FLT1: variants seen among roughly 807,000 people sequenced by gnomAD.
FLT1 encodes the protein vascular endothelial growth factor receptor 1.
In FLT1, 49 loss-of-function variants were observed where a neutral mutation model predicts 156.3. That is an observed-to-expected ratio of 0.31 (90% CI 0.25 to 0.40). The LOEUF (loss-of-function observed/expected upper bound fraction) is 0.40, where lower values mean the gene tolerates loss of function less well. Ranked by LOEUF, FLT1 falls within the 10% of genes least tolerant of loss-of-function variation. FLT1 has a pLI of 1.00. For missense variants in FLT1, 1,322 were observed against 1,637.2 expected (o/e 0.81, Z 3.32); for synonymous variants, 594 against 583.8 (o/e 1.02, Z -0.25).
chr13:28,424,158 C>T (rs1877184207), intron 10 of FLT1, among the ~76,000 whole-genome samples: 1 of 151,740 alleles, frequency 6.6e-6, no homozygotes, highest in Non-Finnish European at 1.5e-5. Context: ...AGGCTGGTCT[C>T]AAACTCCCGA....
chr13:28,356,619 C>T (rs2137410096), intron 15 of FLT1, among the ~76,000 whole-genome samples: 1 of 152,194 alleles, frequency 6.6e-6, no homozygotes, highest in Admixed American at 6.5e-5. Context: ...TTTGAATTCT[C>T]AGAGTTAAAA....
At chr13:28,465,020 G>A (rs1022544467) in intron 3 of FLT1, among the ~76,000 whole-genome samples, 4 of 152,080 alleles carry the variant, frequency 2.6e-5, no homozygotes, top group East Asian at 1.9e-4. Context: ...CACAGATGTC[G>A]GAAAGAACAC....
At chr13:28,472,567 T>C (rs1172875051) in intron 1 of FLT1, among the ~76,000 whole-genome samples, 1 of 152,262 alleles carries the variant, frequency 6.6e-6, no homozygotes, top group Non-Finnish European at 1.5e-5. Context: ...ATCCCCTGGT[T>C]TCTCTCCCAC....
chr13:28,306,745 A>G lies in FLT1; in HGVS notation c.3748T>C (p.Leu1250=), dbSNP rs1315043314. Residue 1250 remains leucine (L), a synonymous_variant, in exon 29 of 30, where the codon TTG becomes CTG. Transcript: ENST00000282397. ...DDYQGDSSTL[L]ASPMLKRFTW... ...AAGCGCTTCAGCATGGGAGAGGCCA[A>G]CAGAGTGCTGCTGTCGCCCTGGTAG... is the stretch of plus-strand genomic sequence containing the variant. 9 of 1,613,704 alleles carry G rather than the reference A, an allele frequency of 5.6e-6. No homozygotes were observed. The highest frequency in any genetic ancestry group is 6.8e-6 in the Non-Finnish European group (8 of 1,179,776).
At chr13:28,490,235 G>A (rs1189739195) in intron 1 of FLT1, among the ~76,000 whole-genome samples, 2 of 152,162 alleles carry the variant, frequency 1.3e-5, no homozygotes, top group East Asian at 3.9e-4. Flanking sequence ...TGTGAGACAA[G>A]ATCAAGTTCC....
At chr13:28,347,961 A>G (rs903628060) in intron 15 of FLT1, among the ~76,000 whole-genome samples, 2 of 152,198 alleles carry the variant, frequency 1.3e-5, no homozygotes, top group South Asian at 2.1e-4. Context: ...TTCCAAGAGT[A>G]TGCCACTTCC....
In FLT1 at chr13:28,302,972, T is replaced by G; in HGVS notation, c.*195A>C. The G allele has an allele frequency of 5.0e-6, 3 of 596,712 alleles. No individual in the cohort carries two copies. The highest frequency in any genetic ancestry group is 8.9e-6 in the Non-Finnish European group (3 of 337,246). The allele number at this position is 596,712 out of a possible 1,614,324, so 37.0% of individuals were successfully genotyped here. ...ATTTAGCAGTAGTGTTCTTCACTTGTCACTATTTCTCTATCTGGAGTTACA... is the reference window on the plus strand; with the variant it reads ...ATTTAGCAGTAGTGTTCTTCACTTGGCACTATTTCTCTATCTGGAGTTACA... On this transcript the variant is annotated 3_prime_UTR_variant, in exon 30 of 30. Transcript: ENST00000282397.
At chr13:28,359,678 A>G (rs1873036210) in intron 14 of FLT1, among the ~76,000 whole-genome samples, 1 of 152,234 alleles carries the variant, frequency 6.6e-6, no homozygotes, top group African/African-American at 2.4e-5. Context: ...AGGAACTCAA[A>G]CTACTCAATA....
rs1019271145 is a variant in FLT1, at chr13:28,309,667, C to G, written c.3636-740G>C. ...TAACTTTGCCATGCCACCCACCCCC[C>G]CTCCCTCTCTCTAACCCAGCCAGAC... On this transcript the variant is annotated intron_variant, in intron 27 of 29. Coordinates refer to ENST00000282397, the MANE Select transcript of FLT1 (RefSeq NM_002019.4). 6.0e-5 allele frequency among the ~76,000 whole-genome samples: 9 copies of G among 149,944 alleles called. No homozygotes were observed. The South Asian group carries it at 8.7e-4, about 14-fold the overall frequency.
chr13:28,322,584 C>A lies in FLT1; in HGVS notation c.2953+206G>T, dbSNP rs61762456. The A allele has an allele frequency of 2.7e-6, 2 of 727,324 alleles. No individual in the cohort carries two copies. Among genetic ancestry groups the A allele is most frequent in the Non-Finnish European group, 4.9e-6 (2 of 411,454 alleles). 45.1% of individuals were successfully genotyped at this position (727,324 alleles called of 1,614,324 possible). ...GGGGATGATCCATTAAGATGAAAAT[C>A]CCTGAGGGGAGAAAACGGTACAGTT... On this transcript the variant is annotated intron_variant, in intron 21 of 29. Transcript: ENST00000282397. The surrounding 1 kb of genome is among the most constrained non-coding windows in gnomAD (Gnocchi z 4.3).
At chr13:28,388,255 A>T in intron 13 of FLT1, 1 of 1,057,512 alleles carries the variant, frequency 9.5e-7, no homozygotes, top group Non-Finnish European at 1.1e-6. Context: ...CATTCTGGGG[A>T]AATGCTATTG....
chr13:28,467,191 T>G lies in FLT1; in HGVS notation c.162-62A>C, dbSNP rs1879898283. ...GCTGGGCCCTAGGCTCAGCACCAGT[T>G]CCTCAGCATTCATTTTATTAGGAAG... is the stretch of plus-strand genomic sequence containing the variant. On this transcript the variant is annotated intron_variant, in intron 2 of 29. Coordinates refer to ENST00000282397, the MANE Select transcript of FLT1 (RefSeq NM_002019.4). 5 of 1,220,118 alleles carry G rather than the reference T, an allele frequency of 4.1e-6. 1 individual carries two copies. The Middle Eastern group carries it at 9.4e-4, about 230-fold the overall frequency. The allele number at this position is 1,220,118 out of a possible 1,614,324, so 75.6% of individuals were successfully genotyped here.
chr13:28,473,414 G>C (rs1880286851), intron 1 of FLT1, among the ~76,000 whole-genome samples: 1 of 151,734 alleles, frequency 6.6e-6, no homozygotes. Flanking sequence ...GGAGGCTGAG[G>C]AGGGTGGATC....
At chr13:28,398,445 C>T (rs1875197910) in intron 11 of FLT1, among the ~76,000 whole-genome samples, 1 of 152,206 alleles carries the variant, frequency 6.6e-6, no homozygotes, top group Non-Finnish European at 1.5e-5. Context: ...ATGTGCTAGG[C>T]ACTTTAGTTG....
At chr13:28,464,669 G>T (rs1210387405) in intron 3 of FLT1, among the ~76,000 whole-genome samples, 1 of 152,240 alleles carries the variant, frequency 6.6e-6, no homozygotes, top group East Asian at 1.9e-4. Context: ...TTGTTTGCCA[G>T]ATCTGCTCTG....
intron 1 of FLT1, among the ~76,000 whole-genome samples, chr13:28,490,589 C>T (rs1881415580): frequency 6.6e-6 from 1 of 152,150 alleles, no homozygotes; most frequent in Admixed American, 6.5e-5. Flanking sequence ...GTGTGAGGAA[C>T]CACCAGTGAT....
At chr13:28,349,485 C>T (rs1389130794) in intron 15 of FLT1, among the ~76,000 whole-genome samples, 3 of 152,042 alleles carry the variant, frequency 2.0e-5, no homozygotes, top group Non-Finnish European at 2.9e-5. Flanking sequence ...CACACACACA[C>T]GCACACATTC....
In FLT1 at chr13:28,303,029, TA is replaced by T; in HGVS notation, c.*137del. On this transcript the variant is annotated 3_prime_UTR_variant, in exon 30 of 30. Transcript: ENST00000282397. ...TTAGTCAAAAAAAAAAAAGCACTAT[TA>T]AAAAAATCACAAAAAGCAGCTGGCT... is the stretch of plus-strand genomic sequence containing the variant. 6.9e-6 allele frequency: 5 copies of T among 724,062 alleles called. No individual in the cohort carries two copies. The highest frequency in any genetic ancestry group is 1.9e-5 in the South Asian group (1 of 53,596). 44.9% of individuals were successfully genotyped at this position (724,062 alleles called of 1,614,324 possible).
intron 16 of FLT1, among the ~76,000 whole-genome samples, chr13:28,343,005 G>A (rs1454152291): frequency 6.6e-6 from 1 of 151,306 alleles, no homozygotes; most frequent in African/African-American, 2.4e-5. Flanking sequence ...TTGAGACAGA[G>A]TCTCACTGTG....
Sources: allele counts gnomAD v4.1 joint callset (sites outside exome capture counted in the v4.1 genomes callset), GRCh38; gene constraint gnomAD v4.1.1; non-coding constraint Gnocchi (gnomAD v3.1); transcripts MANE v1.5; gene names NCBI Gene and HGNC (gene_info 2026-07-23, HGNC 2026-07-21).